The following TRPC4 variants were observed in gnomAD, a reference collection of about 807,000 sequenced individuals.
TRPC4 encodes the protein short transient receptor potential channel 4.
A neutral mutation model predicts 99.4 loss-of-function variants in TRPC4; 49 were observed. The observed-to-expected ratio is 0.49, with a 90% CI of 0.39 to 0.63. TRPC4 has a LOEUF of 0.63. Ranked by LOEUF, TRPC4 falls within the 20% of genes least tolerant of loss-of-function variation. The pLI is 0.00. For missense variants in TRPC4, 898 were observed against 1,152.9 expected, an observed-to-expected ratio of 0.78 and a Z score of 3.20; for synonymous variants, 454 against 425.9, an observed-to-expected ratio of 1.07 and a Z score of -0.81.
chr13:37,775,841 G>A (rs1307245316), intron 2 of TRPC4, among the ~76,000 whole-genome samples: 1 of 151,298 alleles, frequency 6.6e-6, no homozygotes, highest in Non-Finnish European at 1.5e-5. Flanking sequence ...TTTCACTCCT[G>A]TGTGTTCCAA....
intron 1 of TRPC4, among the ~76,000 whole-genome samples, chr13:37,821,125 A>T (rs1957994604): frequency 6.6e-6 from 1 of 151,338 alleles, no homozygotes; most frequent in South Asian, 2.1e-4. Context: ...AACCAATAGC[A>T]TTCCTATACA....
At chr13:37,852,877 C>T (rs1208438626) in intron 1 of TRPC4, among the ~76,000 whole-genome samples, 1 of 152,114 alleles carries the variant, frequency 6.6e-6, no homozygotes, top group African/African-American at 2.4e-5. Flanking sequence ...AGCTCCTTTG[C>T]CTGTGAAAAG....
In TRPC4 at chr13:37,810,903, C is replaced by T. The variant is rs189880051; in HGVS notation, c.-27-27543G>A. 2.6e-5 allele frequency among the ~76,000 whole-genome samples: 4 copies of T among 152,070 alleles called. No individual in the cohort carries two copies. In the East Asian group the frequency reaches 7.7e-4, roughly 29 times the overall value. Reference sequence around the variant, plus strand: ...AACTGATCTCGAAATTTTTTGTACTCTATGTATTTTAGTTATAGCACATGT... The same window carrying T: ...AACTGATCTCGAAATTTTTTGTACTTTATGTATTTTAGTTATAGCACATGT... On this transcript the variant is annotated intron_variant, in intron 1 of 10. Transcript: ENST00000379705.
intron 1 of TRPC4, among the ~76,000 whole-genome samples, chr13:37,816,681 A>T (rs1418266860): frequency 6.6e-6 from 1 of 152,026 alleles, no homozygotes; most frequent in Non-Finnish European, 1.5e-5. Flanking sequence ...ATCCACCATG[A>T]TCAAGTAGGC....
chr13:37,788,843 C>T (rs1385005282), intron 1 of TRPC4, among the ~76,000 whole-genome samples: 1 of 152,060 alleles, frequency 6.6e-6, no homozygotes, highest in Non-Finnish European at 1.5e-5. Context: ...AAGATGGTAG[C>T]CATTAGTCAC....
chr13:37,757,093 A>AAAAC (rs3086234), intron 2 of TRPC4, among the ~76,000 whole-genome samples: 143,720 of 151,650 alleles, frequency 0.95, 68,485 homozygotes, highest in East Asian at 1. Flanking sequence ...AATACATTAA[A>AAAAC]AAATATGCAA....
chr13:37,714,287 C>T lies in TRPC4; in HGVS notation c.898-21952G>A, dbSNP rs539003117. Among the ~76,000 whole-genome samples, 138 of 152,042 alleles carry T rather than the reference C, an allele frequency of 9.1e-4. 1 individual carries two copies. Among genetic ancestry groups the T allele is most frequent in the South Asian group, 5.6e-3 (27 of 4,818 alleles). On this transcript the variant is annotated intron_variant, in intron 3 of 10. Transcript: ENST00000379705. ...GACTACAGTCATGTGCCACCATGCC[C>T]GGCTAATTTTTGTATTTTCAGTAGA...
chr13:37,863,655 T>C (rs1959545191), intron 1 of TRPC4, among the ~76,000 whole-genome samples: 1 of 151,652 alleles, frequency 6.6e-6, no homozygotes, highest in Non-Finnish European at 1.5e-5. Context: ...AAGAAACTCA[T>C]GCTGTCATAA....
intron 1 of TRPC4, among the ~76,000 whole-genome samples, chr13:37,819,040 A>G (rs370615467): frequency 1.3e-5 from 2 of 152,068 alleles, no homozygotes; most frequent in African/African-American, 4.8e-5. Context: ...GACACTTTTC[A>G]AAAAAGACAT....
intron 1 of TRPC4, among the ~76,000 whole-genome samples, chr13:37,862,676 A>G (rs1295482242): frequency 6.6e-6 from 1 of 151,662 alleles, no homozygotes; most frequent in Admixed American, 6.6e-5. Context: ...TTTAGATAAT[A>G]CAGGACACTG....
chr13:37,823,133 G>C (rs1467850608), intron 1 of TRPC4, among the ~76,000 whole-genome samples: 5 of 150,736 alleles, frequency 3.3e-5, no homozygotes, highest in Non-Finnish European at 7.4e-5. Context: ...TTTTTTTCTT[G>C]TAAATTTGTT....
chr13:37,728,285 C>A (rs1423470152), intron 3 of TRPC4, among the ~76,000 whole-genome samples: 1 of 151,562 alleles, frequency 6.6e-6, no homozygotes, highest in Non-Finnish European at 1.5e-5. Flanking sequence ...ATGCAGAAAA[C>A]CCTGAAGATT....
chr13:37,743,697 T>A (rs1190689135), intron 3 of TRPC4, among the ~76,000 whole-genome samples: 1 of 152,192 alleles, frequency 6.6e-6, no homozygotes, highest in African/African-American at 2.4e-5. Flanking sequence ...GACCAAAGTG[T>A]ATTAATTACT....
At chr13:37,736,638 T>G (rs1407046691) in intron 3 of TRPC4, among the ~76,000 whole-genome samples, 1 of 152,176 alleles carries the variant, frequency 6.6e-6, no homozygotes, top group Non-Finnish European at 1.5e-5. Context: ...CTGGGATGAA[T>G]GTATATATTA....
chr13:37,797,995 G>A (rs552355600), intron 1 of TRPC4, among the ~76,000 whole-genome samples: 1 of 152,238 alleles, frequency 6.6e-6, no homozygotes, highest in South Asian at 2.1e-4. Flanking sequence ...CTTAGATAGT[G>A]AAGACTACAC....
chr13:37,670,618 C>T (rs989953137), intron 5 of TRPC4, among the ~76,000 whole-genome samples: 3 of 152,174 alleles, frequency 2.0e-5, no homozygotes, highest in African/African-American at 7.2e-5. Flanking sequence ...TTGTTCAAGT[C>T]CAATCTTCTA....
chr13:37,858,581 G>GTAC (rs973960472), intron 1 of TRPC4, among the ~76,000 whole-genome samples: 1 of 151,478 alleles, frequency 6.6e-6, no homozygotes. Context: ...AAACAATGAA[G>GTAC]TACTATTCAG....
chr13:37,698,708 CA>C (rs1229904395), intron 3 of TRPC4, among the ~76,000 whole-genome samples: 3 of 152,064 alleles, frequency 2.0e-5, no homozygotes, highest in Non-Finnish European at 4.4e-5. Flanking sequence ...TAATCTCCAC[CA>C]AATCACTGAA....
chr13:37,722,414 G>C (rs186583960), intron 3 of TRPC4, among the ~76,000 whole-genome samples: 4 of 152,336 alleles, frequency 2.6e-5, no homozygotes, highest in South Asian at 2.1e-4. Context: ...GATGTAATCA[G>C]AGCATTCAAA....
Sources: gnomAD v4.1 joint callset for allele counts (sites outside exome capture counted in the v4.1 genomes callset) on GRCh38, gnomAD v4.1.1 for gene constraint, MANE v1.5 for transcripts, NCBI Gene and HGNC (gene_info 2026-07-23, HGNC 2026-07-21) for gene names.